NIN: variants seen among roughly 807,000 people sequenced by gnomAD.
NIN encodes the protein glycogen synthase kinase 3 beta-interacting protein.
In NIN, 137 loss-of-function variants were observed where a neutral mutation model predicts 257.6. That is an observed-to-expected ratio of 0.53 (90% CI 0.46 to 0.61). The LOEUF (loss-of-function observed/expected upper bound fraction) is 0.61, where lower values mean the gene tolerates loss of function less well. Among genes scored for constraint, NIN ranks in the 20% least tolerant of loss-of-function variants. The pLI is 0.00. For missense variants in NIN, 2,439 were observed against 2,501.2 expected (o/e 0.98, Z 0.53); for synonymous variants, 918 against 919.8 (o/e 1.00, Z 0.04).
chr14:50,732,279 T>C (rs1167362513), intron 28 of NIN, among the ~76,000 whole-genome samples: 4 of 151,486 alleles, frequency 2.6e-5, no homozygotes, highest in African/African-American at 9.8e-5. Context: ...GAGATTCTGA[T>C]ATAGAAACCT....
At chr14:50,768,429 G>A (rs181613634) in intron 12 of NIN, among the ~76,000 whole-genome samples, 1 of 152,334 alleles carries the variant, frequency 6.6e-6, no homozygotes, top group African/African-American at 2.4e-5. Flanking sequence ...TCTTGGGAGG[G>A]AGGCAGATGT....
rs369148615 is a variant in NIN, at chr14:50,738,135, C to A, written c.5775+5G>T. ...GATGTACGCCATATATTCTCAAAAA[C>A]TCACCTTCCTGTTAGCAGGAGATTG... On this transcript the variant is annotated splice_donor_5th_base_variant and intron_variant, in intron 27 of 30. Transcript: ENST00000530997. 2.9e-5 allele frequency: 47 copies of A among 1,613,758 alleles called. No individual in the cohort carries two copies. Among genetic ancestry groups the A allele is most frequent in the Middle Eastern group, 3.3e-4 (2 of 6,062 alleles).
At chr14:50,811,936 G>C (rs1424544166) in intron 3 of NIN, among the ~76,000 whole-genome samples, 1 of 142,788 alleles carries the variant, frequency 7.0e-6, no homozygotes, top group African/African-American at 2.6e-5. Context: ...GGAGCTTGCA[G>C]TGAGCCAAGA....
At chr14:50,740,800 T>A (rs549027558) in intron 25 of NIN, among the ~76,000 whole-genome samples, 3 of 152,256 alleles carry the variant, frequency 2.0e-5, no homozygotes, top group South Asian at 2.1e-4. Context: ...CTAGTTTTTT[T>A]ATAAAAAGTT....
intron 29 of NIN, among the ~76,000 whole-genome samples, chr14:50,729,266 TTTTAA>T (rs902593116): frequency 7.1e-6 from 1 of 140,662 alleles, no homozygotes; most frequent in African/African-American, 2.7e-5. Flanking sequence ...TTTTTTTTTT[TTTTAA>T]TTTAAGAGAT....
intron 30 of NIN, 21 bp downstream of exon 30, chr14:50,725,932 G>C: frequency 6.2e-7 from 1 of 1,614,054 alleles, no homozygotes. Context: ...TGGGTGAACA[G>C]AGATGACCGG....
chr14:50,765,031 C>T (rs1399651557), intron 14 of NIN, among the ~76,000 whole-genome samples: 2 of 144,042 alleles, frequency 1.4e-5, no homozygotes, highest in African/African-American at 5.2e-5. Context: ...TCAAGACCAG[C>T]CTGGCCAACA....
intron 18 of NIN, 39 bp from the exon 19 acceptor site, chr14:50,754,906 T>C (rs745863159): frequency 7.1e-7 from 1 of 1,399,746 alleles, no homozygotes; most frequent in South Asian, 1.4e-5. Context: ...TACAAGGCAG[T>C]CATCTGGCAT....
At position 50,764,108 on chromosome 14, in the gene NIN, C is replaced by T. The variant is rs2042381881; in HGVS notation, c.1636-144G>A. 4.6e-6 allele frequency: 3 copies of T among 658,350 alleles called. No homozygotes were observed. In the African/African-American group the frequency reaches 5.4e-5, roughly 12 times the overall value. The allele number at this position is 658,350 out of a possible 1,614,324, so 40.8% of individuals were successfully genotyped here. Reference sequence around the variant, plus strand: ...CTATCAAGAAAGTAGAAATGTTTTGCAAATTAAGTATCTGATAAGGGACTT... The same window carrying T: ...CTATCAAGAAAGTAGAAATGTTTTGTAAATTAAGTATCTGATAAGGGACTT... On this transcript the variant is annotated intron_variant, in intron 14 of 30. Coordinates refer to ENST00000530997, the MANE Select transcript of NIN (RefSeq NM_020921.4).
intron 28 of NIN, among the ~76,000 whole-genome samples, chr14:50,732,535 T>C (rs941994622): frequency 2.0e-5 from 3 of 152,144 alleles, no homozygotes; most frequent in Non-Finnish European, 4.4e-5. Flanking sequence ...GGTTGTAGGA[T>C]GTTGTGAATT....
intron 5 of NIN, among the ~76,000 whole-genome samples, chr14:50,783,350 C>A (rs961925380): frequency 2.0e-5 from 3 of 152,112 alleles, no homozygotes; most frequent in African/African-American, 7.2e-5. Context: ...GCCACTGCAC[C>A]CAGCCAGTTT....
intron 3 of NIN, among the ~76,000 whole-genome samples, chr14:50,818,065 T>C (rs970414634): frequency 6.6e-6 from 1 of 151,168 alleles, no homozygotes; most frequent in Non-Finnish European, 1.5e-5. Flanking sequence ...GGCTCACGCC[T>C]GTAACCCCAG....
In NIN at chr14:50,766,814, AGTTT is replaced by A. The variant is rs754580754; in HGVS notation, c.1507_1510del (p.Lys503PhefsTer9). 2 of 1,613,870 alleles carry A rather than the reference AGTTT, an allele frequency of 1.2e-6. No homozygotes were observed. The highest frequency in any genetic ancestry group is 1.7e-6 in the Non-Finnish European group (2 of 1,179,838). ...TAACACATTTTCCAAATTTCTCTGAAGTTTGTTTGTCAGATTCTCATATTCTGCC... is the reference window on the plus strand; with the variant it reads ...TAACACATTTTCCAAATTTCTCTGAAGTTTGTCAGATTCTCATATTCTGCC... On this transcript the variant is annotated frameshift_variant, in exon 13 of 31. Coordinates refer to ENST00000530997, the MANE Select transcript of NIN (RefSeq NM_020921.4). LOFTEE classifies it high-confidence loss of function.
chr14:50,737,441 T>G (rs2041034497), intron 27 of NIN, among the ~76,000 whole-genome samples: 1 of 140,426 alleles, frequency 7.1e-6, no homozygotes, highest in Admixed American at 7.7e-5. Flanking sequence ...AAGCTGCTTC[T>G]GAAATCCTGA....
upstream of NIN, chr14:50,831,209 G>T (rs1171324354): frequency 6.6e-6 from 1 of 151,414 alleles, no homozygotes; most frequent in East Asian, 1.9e-4. Flanking sequence ...GCCCCGGCGC[G>T]GCTCCTCCTC....
rs771368480 is a variant in NIN, at chr14:50,756,750, T to C, written c.4280A>G (p.Asn1427Ser). 19 of 1,551,656 alleles carry C rather than the reference T, an allele frequency of 1.2e-5. No homozygotes were observed. In the South Asian group the frequency reaches 2.3e-4, roughly 18 times the overall value. Residue 1427 changes from asparagine (N) to serine (S), a missense_variant, in exon 18 of 31, where the codon AAT becomes AGT. By Grantham distance (46) the Asn-to-Ser change is conservative (BLOSUM62 1). Coordinates refer to ENST00000530997, the MANE Select transcript of NIN (RefSeq NM_020921.4). ...QTHQERPRVQNQVILEENTTL... is the reference protein window; with the variant it reads ...QTHQERPRVQSQVILEENTTL... ...AGTGTTTTCCTCCAGTATAACTTGA[T>C]TCTGTACTCTTGGCCTTTCTTGATG... is the stretch of plus-strand genomic sequence containing the variant.
At chr14:50,736,612 A>C (rs1191617483) in intron 27 of NIN, among the ~76,000 whole-genome samples, 4 of 152,198 alleles carry the variant, frequency 2.6e-5, no homozygotes, top group South Asian at 2.1e-4. Flanking sequence ...TTCCAGGTCC[A>C]TTTTAAACTT....
rs79766375 is a variant in NIN at position 50,739,688 on chromosome 14, G to T, written c.5449-201C>A. Among the ~76,000 whole-genome samples the T allele has an allele frequency of 4.9e-3, 748 of 152,336 alleles. 7 individuals carry two copies. The highest frequency in any genetic ancestry group is 0.028 in the South Asian group (137 of 4,824). On this transcript the variant is annotated intron_variant, in intron 25 of 30. Coordinates refer to ENST00000530997, the MANE Select transcript of NIN (RefSeq NM_020921.4). ...TCTTGAAGTTTGATTTAAACAAAAA[G>T]ATTTGGAGAGTCTCTGTTTAAAATG...
intron 2 of NIN, chr14:50,823,052 T>C (rs2045298921): frequency 2.0e-5 from 8 of 395,966 alleles, no homozygotes; most frequent in South Asian, 1.0e-4. Flanking sequence ...GCCACTGTCC[T>C]TAGGATCAGT....
Sources: gnomAD v4.1 joint callset for allele counts (sites outside exome capture counted in the v4.1 genomes callset) on GRCh38, gnomAD v4.1.1 for gene constraint, MANE v1.5 for transcripts, NCBI Gene and HGNC (gene_info 2026-07-23, HGNC 2026-07-21) for gene names.